Variants in CNNM4 observed in about 807,000 individuals in gnomAD.
The protein encoded by CNNM4 is metal transporter CNNM4.
In CNNM4, 32 loss-of-function variants were observed where a neutral mutation model predicts 53.7. That is an observed-to-expected ratio of 0.60 (90% CI 0.45 to 0.80). The LOEUF (loss-of-function observed/expected upper bound fraction) is 0.80. Ranked by LOEUF, CNNM4 falls within the 30% of genes least tolerant of loss-of-function variation. CNNM4 has a pLI of 0.00. For missense variants in CNNM4, 784 were observed against 1,022.0 expected (o/e 0.77, Z 3.17); for synonymous variants, 410 against 440.0 (o/e 0.93, Z 0.85).
intron 1 of CNNM4, among the ~76,000 whole-genome samples, chr2:96,790,755 G>A (rs1332228782): frequency 4.7e-5 from 7 of 150,464 alleles, no homozygotes; most frequent in African/African-American, 1.2e-4. Context: ...CGAGGTGGGC[G>A]GATGGATCAC....
At chr2:96,795,450 C>T (rs1393381863) in intron 1 of CNNM4, among the ~76,000 whole-genome samples, 1 of 151,952 alleles carries the variant, frequency 6.6e-6, no homozygotes, top group Non-Finnish European at 1.5e-5. Context: ...TATATCATAG[C>T]CCCTGGCATG....
Position 96,801,618 on chromosome 2 carries a change from G to C in CNNM4, c.1948+1970G>C, listed in dbSNP as rs1451317240. Among the ~76,000 whole-genome samples, 2 of 137,648 alleles carry C rather than the reference G, an allele frequency of 1.5e-5. No homozygotes were observed. Among genetic ancestry groups the C allele is most frequent in the East Asian group, 2.2e-4 (1 of 4,650 alleles). The allele number at this position is 137,648 out of a possible 152,430, so 90.3% of individuals were successfully genotyped here. ...ACCACACACACAGAGACCACACACA[G>C]AGACCACACGCAGAGAGACCACACA... On this transcript the variant is annotated intron_variant, in intron 5 of 6. Coordinates refer to ENST00000377075, the MANE Select transcript of CNNM4 (RefSeq NM_020184.4). This position sits in a 1 kb window ranked among gnomAD's most constrained non-coding sequence, Gnocchi z 5.6.
Position 96,797,247 on chromosome 2 carries a change from C to G in CNNM4, c.1546+92C>G, listed in dbSNP as rs1292167200. ...CTGGAAGGGCCATAGTGCAGGGACA[C>G]AGGAGGCCTAGCATCCAGAGGCCCA... On this transcript the variant is annotated intron_variant, in intron 2 of 6. Coordinates refer to ENST00000377075, the MANE Select transcript of CNNM4 (RefSeq NM_020184.4). The surrounding 1 kb of genome is among the most constrained non-coding windows in gnomAD (Gnocchi z 6.0). 6.4e-7 allele frequency: 1 copy of G among 1,558,360 alleles called. No individual in the cohort carries two copies. The highest frequency in any genetic ancestry group is 8.8e-7 in the Non-Finnish European group (1 of 1,137,846).
At chr2:96,790,003 ATTTTTTTTTT>A (rs1014369887) in intron 1 of CNNM4, among the ~76,000 whole-genome samples, 14 of 61,730 alleles carry the variant, frequency 2.3e-4, no homozygotes, top group East Asian at 4.9e-4. Context: ...CCGGGCTAGA[ATTTTTTTTTT>A]TTTTTTTTTT....
intron 1 of CNNM4, among the ~76,000 whole-genome samples, chr2:96,778,052 A>G (rs2078941601): frequency 6.7e-6 from 1 of 150,052 alleles, no homozygotes; most frequent in Non-Finnish European, 1.5e-5. Flanking sequence ...TATTTTGTAG[A>G]GGTGGGGTTT....
At chr2:96,792,623 T>C (rs1458813821) in intron 1 of CNNM4, among the ~76,000 whole-genome samples, 2 of 151,894 alleles carry the variant, frequency 1.3e-5, no homozygotes, top group African/African-American at 4.8e-5. Context: ...ACCAACATGG[T>C]GAAACCCCAT....
At position 96,806,535 on chromosome 2, in the gene CNNM4, ACGCGCGCGCG is replaced by A. The variant is rs1553479692; in HGVS notation, c.1949-2016_1949-2007del. On this transcript the variant is annotated intron_variant, in intron 5 of 6. Transcript: ENST00000377075. The stretch of plus-strand genomic sequence containing the variant: ...CACACACACACACACACACACACAC[ACGCGCGCGCG>A]CGCGCGCGCCCTTAGTTAAAAATTG... 7.7e-3 allele frequency among the ~76,000 whole-genome samples: 953 copies of A among 123,994 alleles called. 16 individuals are homozygous for A. Among genetic ancestry groups the A allele is most frequent in the African/African-American group, 0.026 (903 of 34,450 alleles). The allele number at this position is 123,994 out of a possible 152,430, so 81.3% of individuals were successfully genotyped here.
In CNNM4 at chr2:96,761,059, C is replaced by G. The variant is rs1312138446; in HGVS notation, c.60C>G (p.Leu20=). 12 of 1,256,478 alleles carry G rather than the reference C, an allele frequency of 9.6e-6. No homozygotes were observed. The highest frequency in any genetic ancestry group is 1.5e-5 in the African/African-American group (1 of 64,836). The allele number at this position is 1,256,478 out of a possible 1,614,324, so 77.8% of individuals were successfully genotyped here. ...PVGGPARGRL[L]LAAPVLLVLL... ...GCGGACCGGCCCGCGGGCGCCTCCT[C>G]CTGGCGGCGCCGGTGCTGCTGGTGC... Residue 20 remains leucine (L), a synonymous_variant, in exon 1 of 7, where the codon CTC becomes CTG. Transcript: ENST00000377075. The surrounding 1 kb of genome is among the most constrained non-coding windows in gnomAD (Gnocchi z 6.0).
chr2:96,805,418 G>GTTTTTTTT (rs898761608), intron 5 of CNNM4, among the ~76,000 whole-genome samples: 11 of 76,146 alleles, frequency 1.4e-4, no homozygotes, highest in South Asian at 5.1e-4. Context: ...CTTCTTTTCA[G>GTTTTTTTT]TTTTTTTTTT....
chr2:96,808,434 GTCC>G lies in CNNM4; in HGVS notation c.1949-126_1949-124del. 1.1e-6 allele frequency: 1 copy of G among 880,728 alleles called. No individual in the cohort carries two copies. The highest frequency in any genetic ancestry group is 2.0e-5 in the Admixed American group (1 of 50,092). 54.6% of individuals were successfully genotyped at this position (880,728 alleles called of 1,614,324 possible). A position where few individuals can be genotyped will look rare whatever the true frequency, so the allele number is the denominator to read the frequency against. On this transcript the variant is annotated intron_variant, in intron 5 of 6. Transcript: ENST00000377075. The surrounding 1 kb of genome is among the most constrained non-coding windows in gnomAD (Gnocchi z 4.9). ...TCAGACCTTCTACATGCTTCTGTTT[GTCC>G]CTAAGAATGACTTCCTGTTCCTGGG...
intron 4 of CNNM4, 120 bp from the exon 5 acceptor site, chr2:96,799,432 A>G (rs1022015689): frequency 5.3e-6 from 6 of 1,126,684 alleles, no homozygotes; most frequent in Middle Eastern, 2.4e-4. Flanking sequence ...TGAGCTCTCC[A>G]GGGCTCCAGT....
chr2:96,802,002 G>GAC (rs140972250), intron 5 of CNNM4, among the ~76,000 whole-genome samples: 9 of 137,008 alleles, frequency 6.6e-5, no homozygotes, highest in African/African-American at 1.1e-4. Flanking sequence ...CACACCCATG[G>GAC]ACACACACAC....
At chr2:96,770,817 G>T (rs1574055611) in intron 1 of CNNM4, among the ~76,000 whole-genome samples, 1 of 152,212 alleles carries the variant, frequency 6.6e-6, no homozygotes, top group Non-Finnish European at 1.5e-5. Context: ...CTCCTGAAAG[G>T]CCGCGCAGCC....
rs895924451 is a variant in CNNM4, at chr2:96,800,008, T to C, written c.1948+360T>C. On this transcript the variant is annotated intron_variant, in intron 5 of 6. Coordinates refer to ENST00000377075, the MANE Select transcript of CNNM4 (RefSeq NM_020184.4). This position sits in a 1 kb window ranked among gnomAD's most constrained non-coding sequence, Gnocchi z 4.6. The stretch of plus-strand genomic sequence containing the variant: ...TGCTCCTGAGGACAGGAGGGGAGTC[T>C]GAGCATCCAAAGTGACTGGGGTCAG... Among the ~76,000 whole-genome samples the C allele has an allele frequency of 2.6e-5, 4 of 152,070 alleles. No individual in the cohort carries two copies. The highest frequency in any genetic ancestry group is 9.7e-5 in the African/African-American group (4 of 41,420).
intron 1 of CNNM4, among the ~76,000 whole-genome samples, chr2:96,786,906 G>A (rs920339296): frequency 6.6e-6 from 1 of 151,552 alleles, no homozygotes; most frequent in African/African-American, 2.4e-5. Flanking sequence ...TGAAAATAGT[G>A]TCTAATTAGA....
intron 1 of CNNM4, among the ~76,000 whole-genome samples, chr2:96,772,745 A>T (rs564306729): frequency 2.6e-5 from 3 of 115,264 alleles, no homozygotes; most frequent in South Asian, 7.0e-4. Context: ...ACACACACAC[A>T]CTCATACCCC....
At chr2:96,773,308 A>C (rs2078895312) in intron 1 of CNNM4, among the ~76,000 whole-genome samples, 1 of 152,192 alleles carries the variant, frequency 6.6e-6, no homozygotes, top group African/African-American at 2.4e-5. Context: ...TAAGTGAGGT[A>C]AGGCGTGCAA....
chr2:96,799,307 C>T (rs1451191703), intron 4 of CNNM4, 81 bp downstream of exon 4: 22 of 1,556,836 alleles, frequency 1.4e-5, no homozygotes, highest in East Asian at 4.5e-5. Context: ...CCACCTGCTG[C>T]GGAGGTGCAT....
At chr2:96,805,864 G>T (rs2079199622) in intron 5 of CNNM4, among the ~76,000 whole-genome samples, 1 of 151,038 alleles carries the variant, frequency 6.6e-6, no homozygotes, top group Admixed American at 6.6e-5. Flanking sequence ...CACAGACACG[G>T]CAACCATCCG....
Sources: gnomAD v4.1 joint callset for allele counts (sites outside exome capture counted in the v4.1 genomes callset) on GRCh38, gnomAD v4.1.1 for gene constraint, Gnocchi (gnomAD v3.1) non-coding constraint, MANE v1.5 for transcripts, NCBI Gene and HGNC (gene_info 2026-07-23, HGNC 2026-07-21) for gene names.